The following IFT56 variants were observed in gnomAD, a reference collection of about 807,000 sequenced individuals.
IFT56 encodes the protein intraflagellar transport protein 56.
the IFT56 span, among the ~76,000 whole-genome samples, chr7:139,164,856 A>G: frequency 6.6e-6 from 1 of 152,222 alleles, no homozygotes; most frequent in African/African-American, 2.4e-5. Flanking sequence ...TAGGTTTTAC[A>G]TAGGGTTAAA....
At chr7:139,142,287 C>T in the IFT56 span, 6 of 1,614,004 alleles carry the variant, frequency 3.7e-6, no homozygotes, top group South Asian at 5.5e-5. Context: ...ACCGCCTCCT[C>T]TTCCACTTGG....
the IFT56 span, chr7:139,181,293 G>A: frequency 2.2e-6 from 2 of 895,872 alleles, no homozygotes; most frequent in Non-Finnish European, 3.5e-6. Context: ...CAGACTAAAT[G>A]GCTAGTAGTG....
the IFT56 span, among the ~76,000 whole-genome samples, chr7:139,155,517 C>G: frequency 6.6e-6 from 1 of 151,958 alleles, no homozygotes; most frequent in South Asian, 2.1e-4. Flanking sequence ...AATGGAACTG[C>G]TTTTTCTATT....
At chr7:139,177,446 T>A in the IFT56 span, among the ~76,000 whole-genome samples, 2 of 151,622 alleles carry the variant, frequency 1.3e-5, no homozygotes, top group Non-Finnish European at 2.9e-5. Flanking sequence ...GTATATCAGA[T>A]ATATATATAC....
chr7:139,166,146 C>T, the IFT56 span, among the ~76,000 whole-genome samples: 5 of 152,020 alleles, frequency 3.3e-5, no homozygotes, highest in South Asian at 4.1e-4. Context: ...CTAATAGAGA[C>T]GGGGTTTCGC....
chr7:139,178,576 G>C, the IFT56 span: 2 of 1,614,034 alleles, frequency 1.2e-6, no homozygotes, highest in Non-Finnish European at 1.7e-6. Context: ...GCTGCAACAG[G>C]CAATACCAGT....
chr7:139,149,889 TAC>T, the IFT56 span, among the ~76,000 whole-genome samples: 1 of 152,054 alleles, frequency 6.6e-6, no homozygotes, highest in Non-Finnish European at 1.5e-5. Context: ...ATTTAACACA[TAC>T]ACATATATAC....
chr7:139,174,652 A>G, the IFT56 span, among the ~76,000 whole-genome samples: 105 of 152,326 alleles, frequency 6.9e-4, no homozygotes, highest in African/African-American at 2.4e-3. Context: ...AGGAGCCCAG[A>G]CAACTCAATA....
At chr7:139,168,933 T>C in the IFT56 span, among the ~76,000 whole-genome samples, 2 of 152,206 alleles carry the variant, frequency 1.3e-5, no homozygotes, top group African/African-American at 2.4e-5. Context: ...AGGCAGCAAA[T>C]ATTTATTAAA....
At chr7:139,147,193 G>A in the IFT56 span, 4 of 1,613,352 alleles carry the variant, frequency 2.5e-6, no homozygotes, top group South Asian at 1.1e-5. Context: ...TCTTCAGGAT[G>A]TCACAGAAGA....
At chr7:139,133,826 G>C in the IFT56 span, 1 of 1,614,190 alleles carries the variant, frequency 6.2e-7, no homozygotes, top group Non-Finnish European at 8.5e-7. Flanking sequence ...GGCCTTCGCT[G>C]TGTGGTGGGG....
At chr7:139,147,157 A>C in the IFT56 span, 1 of 1,612,684 alleles carries the variant, frequency 6.2e-7, no homozygotes, top group Non-Finnish European at 8.5e-7. Flanking sequence ...TAATGATGAG[A>C]AAAAATTGAT....
the IFT56 span, chr7:139,178,721 A>C: frequency 2.4e-6 from 2 of 824,068 alleles, no homozygotes; most frequent in Non-Finnish European, 3.9e-6. Flanking sequence ...CTTAGGATGC[A>C]TGAATAAGTA....
chr7:139,161,112 G>T, the IFT56 span: 1 of 1,185,902 alleles, frequency 8.4e-7, no homozygotes, highest in Admixed American at 2.1e-5. Flanking sequence ...AAGGAGATGC[G>T]CCAGCAAGTA....
chr7:139,176,711 T>C, the IFT56 span, among the ~76,000 whole-genome samples: 1 of 152,242 alleles, frequency 6.6e-6, no homozygotes, highest in East Asian at 1.9e-4. Context: ...TTATCACTCC[T>C]GGACGTTCAC....
chr7:139,173,549 G>A, the IFT56 span: 1 of 779,416 alleles, frequency 1.3e-6, no homozygotes, highest in Non-Finnish European at 2.4e-6. Flanking sequence ...TTTATACTGA[G>A]TTTGTTCATA....
the IFT56 span, among the ~76,000 whole-genome samples, chr7:139,158,750 C>A: frequency 6.6e-6 from 1 of 151,956 alleles, no homozygotes; most frequent in Non-Finnish European, 1.5e-5. Flanking sequence ...CCCATCTCTA[C>A]TAAAAATACA....
At chr7:139,142,273 C>G in the IFT56 span, 13 of 1,613,886 alleles carry the variant, frequency 8.1e-6, no homozygotes, top group Non-Finnish European at 1.1e-5. Context: ...AAGCCGACTC[C>G]AAAACCGCCT....
chr7:139,188,008 T>A, the IFT56 span, among the ~76,000 whole-genome samples: 1 of 152,122 alleles, frequency 6.6e-6, no homozygotes, highest in East Asian at 1.9e-4. Flanking sequence ...TTGTTTTCTT[T>A]CACCTTCTCA....
Sources: allele counts gnomAD v4.1 joint callset (sites outside exome capture counted in the v4.1 genomes callset), GRCh38; gene constraint gnomAD v4.1.1; transcripts MANE v1.5; gene names NCBI Gene and HGNC (gene_info 2026-07-23, HGNC 2026-07-21).